The following SMARCA4 variants were observed in gnomAD, a reference collection of about 807,000 sequenced individuals.
SMARCA4 encodes SWI/SNF-related matrix-associated actin-dependent regulator of chromatin subfamily A member 4.
A neutral mutation model predicts 193.9 loss-of-function variants in SMARCA4; 31 were observed. The ratio of observed to expected loss-of-function variants is 0.16; its 90% CI spans 0.12 to 0.22. The LOEUF is 0.22. Ranked by LOEUF, SMARCA4 falls within the 10% of genes least tolerant of loss-of-function variation. The pLI is 1.00. For missense variants in SMARCA4, 1,148 were observed against 2,296.0 expected (o/e 0.50, Z 10.22); for synonymous variants, 942 against 933.1 (o/e 1.01, Z -0.17).
intron 1 of SMARCA4, among the ~76,000 whole-genome samples, chr19:10,968,871 TG>T (rs2145486062): frequency 6.6e-6 from 1 of 152,294 alleles, no homozygotes; most frequent in Admixed American, 6.5e-5. Context: ...GATGATCAAA[TG>T]TGATTCTGGC....
chr19:10,986,782 C>T lies in SMARCA4; in HGVS notation c.761-123C>T. 1 of 1,227,116 alleles carries T rather than the reference C, an allele frequency of 8.1e-7. No individual in the cohort carries two copies. The highest frequency in any genetic ancestry group is 1.2e-5 in the South Asian group (1 of 80,490). 76.0% of individuals were successfully genotyped at this position (1,227,116 alleles called of 1,614,324 possible). ...GCTGCTTCCCCAGCTCCCCGCTTCC[C>T]CTGGGGCCGCTGGTTAATAGGTGTA... On this transcript the variant is annotated intron_variant, in intron 4 of 34. Coordinates refer to ENST00000344626, the MANE Select transcript of SMARCA4 (RefSeq NM_003072.5). The surrounding 1 kb of genome is among the most constrained non-coding windows in gnomAD (Gnocchi z 6.7).
At chr19:11,045,317 C>T (rs1025496259) in intron 30 of SMARCA4, among the ~76,000 whole-genome samples, 1 of 148,700 alleles carries the variant, frequency 6.7e-6, no homozygotes, top group Non-Finnish European at 1.5e-5. Flanking sequence ...GGGACTCCGT[C>T]TAAAAAAAAA....
intron 1 of SMARCA4, among the ~76,000 whole-genome samples, chr19:10,978,966 A>G (rs1001081200): frequency 6.6e-6 from 1 of 152,024 alleles, no homozygotes; most frequent in African/African-American, 2.4e-5. Flanking sequence ...ATAAATAAAT[A>G]GATAGATAGA....
chr19:11,017,205 C>T (rs1447162815), intron 16 of SMARCA4, among the ~76,000 whole-genome samples: 1 of 152,256 alleles, frequency 6.6e-6, no homozygotes, highest in African/African-American at 2.4e-5. Context: ...TGCGCCCATT[C>T]TCAGCTTCCG....
In SMARCA4 at chr19:10,986,623, T is replaced by C. The variant is rs2145787805; in HGVS notation, c.760+30T>C. ...GACTGGCTGCCCTGGCCCTCAGGTGTCTCAGAGCGAATGGCTGGGGCGTGG... is the reference window on the plus strand; with the variant it reads ...GACTGGCTGCCCTGGCCCTCAGGTGCCTCAGAGCGAATGGCTGGGGCGTGG... On this transcript the variant is annotated intron_variant, in intron 4 of 34. Transcript: ENST00000344626. The surrounding 1 kb of genome is among the most constrained non-coding windows in gnomAD (Gnocchi z 6.7). The C allele has an allele frequency of 6.5e-7, 1 of 1,535,174 alleles. No individual in the cohort carries two copies. The highest frequency in any genetic ancestry group is 8.7e-7 in the Non-Finnish European group (1 of 1,146,706).
At chr19:11,052,067 C>T (rs550730881) in intron 30 of SMARCA4, among the ~76,000 whole-genome samples, 2 of 152,164 alleles carry the variant, frequency 1.3e-5, no homozygotes, top group Non-Finnish European at 2.9e-5. Context: ...TGCACTCCAG[C>T]CTGGGCAACA....
chr19:11,049,108 G>T (rs1445038781), intron 30 of SMARCA4, among the ~76,000 whole-genome samples: 2 of 152,144 alleles, frequency 1.3e-5, no homozygotes, highest in Non-Finnish European at 2.9e-5. Context: ...GAAGGGCCAC[G>T]TAAGCAGAAC....
Position 11,019,124 on chromosome 19 carries a change from T to C in SMARCA4, c.2505+101T>C. 1.1e-6 allele frequency: 1 copy of C among 920,844 alleles called. No homozygotes were observed. Among genetic ancestry groups the C allele is most frequent in the Non-Finnish European group, 1.8e-6 (1 of 554,160 alleles). 57.0% of individuals were successfully genotyped at this position (920,844 alleles called of 1,614,324 possible). On this transcript the variant is annotated intron_variant, in intron 17 of 34. Transcript: ENST00000344626. The surrounding 1 kb of genome is among the most constrained non-coding windows in gnomAD (Gnocchi z 6.1). ...CTCTGGACAGTGAACCTGAGAATGC[T>C]GGGTCTCCAGTCGCATGGAGTCTCC...
intron 34 of SMARCA4, among the ~76,000 whole-genome samples, chr19:11,061,121 G>A (rs1310835711): frequency 6.7e-6 from 1 of 149,744 alleles, no homozygotes; most frequent in Non-Finnish European, 1.5e-5. Context: ...CTGGGAGGTC[G>A]AGGCTGCAGT....
chr19:11,054,473 G>A (rs1159737361), intron 30 of SMARCA4, among the ~76,000 whole-genome samples: 1 of 152,212 alleles, frequency 6.6e-6, no homozygotes, highest in African/African-American at 2.4e-5. Context: ...AGGACTGACA[G>A]GAGCGCATCT....
intron 13 of SMARCA4, among the ~76,000 whole-genome samples, chr19:11,007,110 G>A (rs1399410352): frequency 2.0e-5 from 3 of 151,714 alleles, no homozygotes; most frequent in Non-Finnish European, 4.4e-5. Flanking sequence ...AAAAGGAAGT[G>A]TCAGGAATCT....
chr19:11,018,927 C>T lies in SMARCA4; in HGVS notation c.2439-30C>T, dbSNP rs374420591. 2.5e-6 allele frequency: 4 copies of T among 1,585,396 alleles called. No homozygotes were observed. The African/African-American group carries it at 4.0e-5, about 16-fold the overall frequency. ...CAGTGAGCCATTGATGAGAGACCGG[C>T]ACTTGACTCTCATTTCCTTGTTCCA... On this transcript the variant is annotated intron_variant, in intron 16 of 34. Coordinates refer to ENST00000344626, the MANE Select transcript of SMARCA4 (RefSeq NM_003072.5).
intron 18 of SMARCA4, chr19:11,021,034 C>T (rs907455816): frequency 3.1e-5 from 5 of 158,760 alleles, no homozygotes; most frequent in African/African-American, 1.2e-4. Context: ...CTGGGTATCC[C>T]ACGTGCAGGC....
intron 1 of SMARCA4, among the ~76,000 whole-genome samples, chr19:10,966,535 C>T (rs1038822533): frequency 6.6e-6 from 1 of 152,060 alleles, no homozygotes; most frequent in African/African-American, 2.4e-5. Flanking sequence ...CTGCAGTAAG[C>T]TGTGATCGCA....
At chr19:10,965,262 A>C (rs2084124985) in intron 1 of SMARCA4, 1 of 152,154 alleles carries the variant, frequency 6.6e-6, no homozygotes, top group Non-Finnish European at 1.5e-5. Flanking sequence ...TTAGTAGCTC[A>C]CACCCCACTC....
At chr19:11,048,884 A>G (rs1242367604) in intron 30 of SMARCA4, among the ~76,000 whole-genome samples, 1 of 152,158 alleles carries the variant, frequency 6.6e-6, no homozygotes, top group Non-Finnish European at 1.5e-5. Flanking sequence ...GTTCTTCTGC[A>G]CTCAGATTCA....
intron 1 of SMARCA4, among the ~76,000 whole-genome samples, chr19:10,971,987 G>C (rs559379949): frequency 6.5e-5 from 9 of 139,352 alleles, no homozygotes; most frequent in African/African-American, 2.4e-4. Flanking sequence ...ACGGAGTCTC[G>C]CTCTGTCACC....
chr19:10,980,367 ACT>A (rs2085462532), intron 1 of SMARCA4, among the ~76,000 whole-genome samples: 1 of 151,906 alleles, frequency 6.6e-6, no homozygotes, highest in South Asian at 2.1e-4. Flanking sequence ...TCTTCAGTGT[ACT>A]CTGTTTTTCC....
chr19:11,042,140 A>T (rs974644592), intron 30 of SMARCA4, among the ~76,000 whole-genome samples: 1 of 152,182 alleles, frequency 6.6e-6, no homozygotes, highest in South Asian at 2.1e-4. Context: ...AAGCCTGGAG[A>T]TCGCTGTCCT....
Sources: gnomAD v4.1 joint callset for allele counts (sites outside exome capture counted in the v4.1 genomes callset) on GRCh38, gnomAD v4.1.1 for gene constraint, Gnocchi (gnomAD v3.1) non-coding constraint, MANE v1.5 for transcripts, NCBI Gene and HGNC (gene_info 2026-07-23, HGNC 2026-07-21) for gene names.